SLC38A9: variants seen among roughly 807,000 people sequenced by gnomAD.
SLC38A9 encodes solute carrier family 38 member 9.
SLC38A9 carries 48 observed loss-of-function variants against 62.3 expected under a neutral mutation model. The observed-to-expected ratio is 0.77, with a 90% CI of 0.61 to 0.98. The LOEUF (loss-of-function observed/expected upper bound fraction) is 0.98, where lower values mean the gene tolerates loss of function less well. Among genes scored for constraint, SLC38A9 ranks in the 50% least tolerant of loss-of-function variants. The pLI is 0.00. For missense variants in SLC38A9, 541 were observed against 679.8 expected, an observed-to-expected ratio of 0.80 and a Z score of 2.27; for synonymous variants, 204 against 227.7, an observed-to-expected ratio of 0.90 and a Z score of 0.94.
At chr5:55,637,062 A>G (rs191318082) in intron 12 of SLC38A9, among the ~76,000 whole-genome samples, 29 of 152,332 alleles carry the variant, frequency 1.9e-4, no homozygotes, top group African/African-American at 6.5e-4. Flanking sequence ...GTTTCCCATT[A>G]TGATGGCTGA....
intron 7 of SLC38A9, 175 bp from the exon 8 acceptor site, chr5:55,665,038 A>T (rs1485958373): frequency 2.8e-6 from 1 of 352,602 alleles, no homozygotes; most frequent in African/African-American, 2.1e-5. Flanking sequence ...AAAATAAAAG[A>T]AATGTAGATA....
intron 14 of SLC38A9, among the ~76,000 whole-genome samples, chr5:55,629,536 C>T (rs1002675402): frequency 1.4e-4 from 21 of 152,170 alleles, no homozygotes; most frequent in South Asian, 4.2e-4. Flanking sequence ...CACATCTGCG[C>T]GTACTGCAGT....
chr5:55,672,518 C>T, intron 4 of SLC38A9, 45 bp downstream of exon 4: 1 of 1,602,444 alleles, frequency 6.2e-7, no homozygotes, highest in Non-Finnish European at 8.5e-7. Context: ...GTTCACTGTT[C>T]ATTTCAACTG....
Position 55,651,246 on chromosome 5 carries a change from A to ATTTTTTTTT in SLC38A9, c.952+1282_952+1283insAAAAAAAAA, listed in dbSNP as rs1371252740. Among the ~76,000 whole-genome samples the ATTTTTTTTT allele has an allele frequency of 6.2e-4, 71 of 114,108 alleles. 17 individuals are homozygous for ATTTTTTTTT. The highest frequency in any genetic ancestry group is 8.4e-4 in the South Asian group (3 of 3,564). The allele number at this position is 114,108 out of a possible 152,430, so 74.9% of individuals were successfully genotyped here. A position where few individuals can be genotyped will look rare whatever the true frequency, so the allele number is the denominator to read the frequency against. ...TTTCACTGGGGGGGTTCCTTTTGCC[A>ATTTTTTTTT]TCTTTTTTTTTTTTTTTTTTTTAAG... On this transcript the variant is annotated intron_variant, in intron 10 of 15. Transcript: ENST00000396865.
Position 55,691,175 on chromosome 5 carries a change from G to A in SLC38A9, c.113+6671C>T, listed in dbSNP as rs1004971882. The A allele has an allele frequency of 6.2e-6, 5 of 810,850 alleles. No homozygotes were observed. In the Admixed American group the frequency reaches 8.0e-5, roughly 13 times the overall value. The allele number at this position is 810,850 out of a possible 1,614,324, so 50.2% of individuals were successfully genotyped here. On this transcript the variant is annotated intron_variant, in intron 3 of 15. Transcript: ENST00000396865. ...GAAAAATCTTGAAACTTTTGGTTAG[G>A]ACTTCATATTTACCGGATTCTCCAT...
At chr5:55,633,952 C>T (rs114244819) in intron 13 of SLC38A9, 50 bp from the exon 14 acceptor site, 36,693 of 1,396,128 alleles carry the variant, frequency 0.026, 592 homozygotes, top group Non-Finnish European at 0.03. Context: ...ATTCAGTACA[C>T]ACATTCATAA....
In SLC38A9 at chr5:55,664,744, A is replaced by G. The variant is rs1193802915; in HGVS notation, c.646T>C (p.Tyr216His). Reference sequence around the variant, plus strand: ...AGAAAATTTGACATAAGCACCCAATAAACTATCATTGCTCCAATGAGAGAC... The same window carrying G: ...AGAAAATTTGACATAAGCACCCAATGAACTATCATTGCTCCAATGAGAGAC... ...LVSLIGAMIV[Y>H]WVLMSNFLFN... The change falls in exon 8 of 16, where the codon TAT (tyrosine) becomes CAT (histidine). Residue 216 changes from tyrosine (Y) to histidine (H), a missense_variant. Physicochemically the swap from Tyr to His is moderately conservative, Grantham distance 83. Coordinates refer to ENST00000396865, the MANE Select transcript of SLC38A9 (RefSeq NM_173514.4). 6.3e-7 allele frequency: 1 copy of G among 1,579,814 alleles called. No homozygotes were observed. The highest frequency in any genetic ancestry group is 1.2e-5 in the South Asian group (1 of 83,716).
intron 2 of SLC38A9, among the ~76,000 whole-genome samples, chr5:55,705,693 G>A (rs1312906009): frequency 2.1e-5 from 3 of 145,722 alleles, no homozygotes; most frequent in Non-Finnish European, 4.5e-5. Context: ...AGCTATAATG[G>A]CAAATGGCCT....
chr5:55,656,897 G>C, intron 8 of SLC38A9, 123 bp from the exon 9 acceptor site: 1 of 432,756 alleles, frequency 2.3e-6, no homozygotes, highest in Non-Finnish European at 3.9e-6. Context: ...GTCTTGCTCT[G>C]TTGCCCAGGC....
intron 8 of SLC38A9, among the ~76,000 whole-genome samples, chr5:55,659,378 G>GTTTTT (rs35686566): frequency 7.2e-5 from 9 of 125,626 alleles, no homozygotes; most frequent in South Asian, 2.7e-4. Flanking sequence ...AACTGGAAAG[G>GTTTTT]TTTTTTTTTT....
At chr5:55,643,476 T>G (rs1348850698) in intron 12 of SLC38A9, among the ~76,000 whole-genome samples, 1 of 152,238 alleles carries the variant, frequency 6.6e-6, no homozygotes, top group East Asian at 1.9e-4. Flanking sequence ...GAAAATGTTC[T>G]TATGTATTTA....
In SLC38A9 at chr5:55,627,923, G is replaced by A. The variant is rs778680730; in HGVS notation, c.1488C>T (p.Ala496=). Residue 496 remains alanine (A), a synonymous_variant, in exon 15 of 16, where the codon GCC becomes GCT. Transcript: ENST00000396865. ...LIIVGAGVIM[A]CFYPNIGGII... ...TCCCTCCTATGTTTGGGTAGAAACA[G>A]GCCATGATCACTCCAGCTCCCACAA... 8 of 1,612,674 alleles carry A rather than the reference G, an allele frequency of 5.0e-6. No individual in the cohort carries two copies. Among genetic ancestry groups the A allele is most frequent in the Non-Finnish European group, 6.8e-6 (8 of 1,178,974 alleles).
At chr5:55,633,580 G>C (rs1743879673) in intron 14 of SLC38A9, 174 bp downstream of exon 14, 2 of 727,132 alleles carry the variant, frequency 2.8e-6, no homozygotes. Context: ...CTAGACAAGG[G>C]AGTGGCTTCT....
intron 9 of SLC38A9, 61 bp downstream of exon 9, chr5:55,656,654 T>C (rs1748480129): frequency 8.6e-7 from 1 of 1,157,642 alleles, no homozygotes; most frequent in Admixed American, 1.7e-5. Flanking sequence ...ATGTTCTACC[T>C]TAAATCCTTT....
At chr5:55,627,592 A>G (rs2150002752) in intron 15 of SLC38A9, among the ~76,000 whole-genome samples, 1 of 152,228 alleles carries the variant, frequency 6.6e-6, no homozygotes, top group Middle Eastern at 3.4e-3. Flanking sequence ...TATTAAAAAT[A>G]ACTTTTTATT....
At chr5:55,710,413 C>T (rs1304941509) in intron 2 of SLC38A9, among the ~76,000 whole-genome samples, 3 of 151,444 alleles carry the variant, frequency 2.0e-5, no homozygotes, top group East Asian at 2.0e-4. Context: ...TCACCATGTT[C>T]GCCAGGCTGG....
chr5:55,680,497 G>A (rs993872466), intron 3 of SLC38A9, among the ~76,000 whole-genome samples: 1 of 152,224 alleles, frequency 6.6e-6, no homozygotes, highest in African/African-American at 2.4e-5. Context: ...ATAGCATTTG[G>A]CTAGCTTGTT....
chr5:55,649,172 A>C lies in SLC38A9; in HGVS notation c.1060+35T>G, dbSNP rs544598303. 3.3e-6 allele frequency: 4 copies of C among 1,223,810 alleles called. No individual in the cohort carries two copies. The African/African-American group carries it at 4.6e-5, about 14-fold the overall frequency. 75.8% of individuals were successfully genotyped at this position (1,223,810 alleles called of 1,614,324 possible). ...AGCATATGACAATGGTTAAGATCAC[A>C]TTATTATAATTTATTATTTTGCCAA... On this transcript the variant is annotated intron_variant, in intron 11 of 15. Transcript: ENST00000396865.
At chr5:55,660,871 AC>A (rs1320259580) in intron 8 of SLC38A9, among the ~76,000 whole-genome samples, 3 of 152,302 alleles carry the variant, frequency 2.0e-5, no homozygotes, top group African/African-American at 4.8e-5. Context: ...GTTGAAAAAC[AC>A]TACTATAGAT....
Sources: allele counts gnomAD v4.1 joint callset (sites outside exome capture counted in the v4.1 genomes callset), GRCh38; gene constraint gnomAD v4.1.1; transcripts MANE v1.5; gene names NCBI Gene and HGNC (gene_info 2026-07-23, HGNC 2026-07-21).